TMTC2: variants seen among roughly 807,000 people sequenced by gnomAD.
TMTC2 encodes protein O-mannosyl-transferase TMTC2.
Under a neutral mutation model 82.4 loss-of-function variants are expected in TMTC2, and 43 were observed. The observed-to-expected ratio is 0.52, with a 90% CI of 0.41 to 0.67. The LOEUF (loss-of-function observed/expected upper bound fraction) is 0.67, where lower values mean the gene tolerates loss of function less well. TMTC2 is among the 30% of genes least tolerant of loss of function. The pLI is 0.00. For missense variants in TMTC2, 919 were observed against 1,012.4 expected (o/e 0.91, Z 1.25); for synonymous variants, 408 against 381.9 (o/e 1.07, Z -0.80).
intron 3 of TMTC2, among the ~76,000 whole-genome samples, chr12:82,899,557 AAT>A (rs986939648): frequency 2.8e-5 from 4 of 140,842 alleles, no homozygotes; most frequent in Non-Finnish European, 4.6e-5. Flanking sequence ...TATATATAAG[AAT>A]ATATATATAT....
chr12:83,104,556 C>T (rs1025160654), intron 11 of TMTC2, among the ~76,000 whole-genome samples: 10 of 152,208 alleles, frequency 6.6e-5, no homozygotes, highest in Non-Finnish European at 1.3e-4. Context: ...TACCTGGGCC[C>T]CTTTGAGTAA....
At chr12:82,970,624 C>T (rs1387196547) in intron 7 of TMTC2, among the ~76,000 whole-genome samples, 1 of 152,170 alleles carries the variant, frequency 6.6e-6, no homozygotes, top group Non-Finnish European at 1.5e-5. Flanking sequence ...TGAGCCACCG[C>T]GCCCGGCCTC....
At chr12:82,950,694 C>G (rs778177263) in intron 4 of TMTC2, among the ~76,000 whole-genome samples, 1 of 152,172 alleles carries the variant, frequency 6.6e-6, no homozygotes, top group African/African-American at 2.4e-5. Context: ...GGAGAAGCCT[C>G]TTTGTAATGA....
chr12:82,994,862 A>G (rs1879546246), intron 8 of TMTC2, among the ~76,000 whole-genome samples: 1 of 152,134 alleles, frequency 6.6e-6, no homozygotes, highest in African/African-American at 2.4e-5. Context: ...ATGTAGGTAC[A>G]TTCATTGTAT....
intron 1 of TMTC2, among the ~76,000 whole-genome samples, chr12:82,744,599 T>C (rs1288068109): frequency 2.1e-5 from 1 of 46,668 alleles, no homozygotes; most frequent in Non-Finnish European, 5.2e-5. Context: ...AAAAAAAGAG[T>C]GAAGGCAGCA....
chr12:82,725,616 C>T (rs760563052), intron 1 of TMTC2, among the ~76,000 whole-genome samples: 3 of 152,138 alleles, frequency 2.0e-5, no homozygotes, highest in African/African-American at 4.8e-5. Context: ...AGCCCACAGT[C>T]CTGAGAACAT....
intron 1 of TMTC2, chr12:82,760,466 G>GTTTTTTTTTTTTT (rs11401470): frequency 9.3e-6 from 1 of 108,006 alleles, no homozygotes; most frequent in Non-Finnish European, 1.8e-5. Context: ...TGTGCCCAGG[G>GTTTTTTTTTTTTT]TTTTTTTTTT....
chr12:82,744,193 G>A lies in TMTC2; in HGVS notation c.83+56524G>A, dbSNP rs545706567. Among the ~76,000 whole-genome samples the A allele has an allele frequency of 2.8e-4, 42 of 152,254 alleles. 2 individuals carry two copies. Among genetic ancestry groups the A allele is most frequent in the Admixed American group, 2.4e-3 (36 of 15,298 alleles). On this transcript the variant is annotated intron_variant, in intron 1 of 11. Transcript: ENST00000321196. ...TCCCAGCACTTTGGGAGGCCGAGGC[G>A]GGCGGATTGTGAGGTGAAGAGATTG...
chr12:82,768,598 T>C (rs1254131064), intron 1 of TMTC2, among the ~76,000 whole-genome samples: 1 of 152,164 alleles, frequency 6.6e-6, no homozygotes, highest in African/African-American at 2.4e-5. Flanking sequence ...GCAGTGAGTC[T>C]GGTTTTTTCG....
intron 11 of TMTC2, among the ~76,000 whole-genome samples, chr12:83,087,348 C>T (rs1883696684): frequency 6.6e-6 from 1 of 152,104 alleles, no homozygotes; most frequent in East Asian, 1.9e-4. Flanking sequence ...TCGAAGTCAT[C>T]CATGAGGGTT....
chr12:82,934,619 A>G (rs1219830524), intron 4 of TMTC2, among the ~76,000 whole-genome samples: 1 of 152,080 alleles, frequency 6.6e-6, no homozygotes, highest in African/African-American at 2.4e-5. Flanking sequence ...TTCTTTATCC[A>G]GTCTATCATT....
At chr12:82,935,364 G>T (rs1209647532) in intron 4 of TMTC2, among the ~76,000 whole-genome samples, 2 of 152,038 alleles carry the variant, frequency 1.3e-5, no homozygotes, top group African/African-American at 4.8e-5. Flanking sequence ...TTTTATTCAT[G>T]TTGTCAAATT....
At chr12:83,115,491 A>T (rs1039650688) in intron 11 of TMTC2, among the ~76,000 whole-genome samples, 1 of 152,176 alleles carries the variant, frequency 6.6e-6, no homozygotes, top group Non-Finnish European at 1.5e-5. Context: ...GTACTTTGAG[A>T]CATCAGATAT....
chr12:82,903,714 A>G (rs563963298), intron 3 of TMTC2, among the ~76,000 whole-genome samples: 4 of 152,318 alleles, frequency 2.6e-5, no homozygotes, highest in East Asian at 3.9e-4. Flanking sequence ...CGCCCCGCCG[A>G]TATTTTTACA....
chr12:83,008,811 T>C (rs1439187405), intron 8 of TMTC2, among the ~76,000 whole-genome samples: 2 of 152,198 alleles, frequency 1.3e-5, no homozygotes, highest in African/African-American at 4.8e-5. Flanking sequence ...GTGTTTGTTG[T>C]AGCTACAGCT....
At chr12:83,004,523 T>A (rs929285714) in intron 8 of TMTC2, among the ~76,000 whole-genome samples, 2 of 152,108 alleles carry the variant, frequency 1.3e-5, no homozygotes, top group South Asian at 2.1e-4. Flanking sequence ...TTCCTTTATC[T>A]GTTTTAGAAT....
intron 10 of TMTC2, among the ~76,000 whole-genome samples, chr12:83,056,149 A>T (rs979069674): frequency 6.6e-6 from 1 of 152,010 alleles, no homozygotes; most frequent in African/African-American, 2.4e-5. Flanking sequence ...ATTAAATTAT[A>T]CTTTTATAAT....
At chr12:82,928,550 A>T (rs1369626519) in intron 3 of TMTC2, among the ~76,000 whole-genome samples, 1 of 152,214 alleles carries the variant, frequency 6.6e-6, no homozygotes, top group Non-Finnish European at 1.5e-5. Flanking sequence ...CTATGGACTC[A>T]TAATGCCAAG....
chr12:83,097,668 T>C (rs966049733), intron 11 of TMTC2, among the ~76,000 whole-genome samples: 11 of 152,216 alleles, frequency 7.2e-5, no homozygotes, highest in Non-Finnish European at 1.6e-4. Context: ...TGATGCATGC[T>C]ATATTTATAA....
Sources: gnomAD v4.1 joint callset for allele counts (sites outside exome capture counted in the v4.1 genomes callset) on GRCh38, gnomAD v4.1.1 for gene constraint, MANE v1.5 for transcripts, NCBI Gene and HGNC (gene_info 2026-07-23, HGNC 2026-07-21) for gene names.